Variants in PRDM16 observed in about 807,000 individuals in gnomAD.
The protein encoded by PRDM16 is histone-lysine N-methyltransferase PRDM16.
A neutral mutation model predicts 110.6 loss-of-function variants in PRDM16; 23 were observed. The ratio of observed to expected loss-of-function variants is 0.21; its 90% CI spans 0.15 to 0.29. The LOEUF (loss-of-function observed/expected upper bound fraction) is 0.29. PRDM16 is among the 10% of genes least tolerant of loss of function. The probability of loss-of-function intolerance (pLI) is 1.00; values close to 1 mark genes in which losing one functional copy is unlikely to be tolerated. For missense variants in PRDM16, 1,615 were observed against 1,794.3 expected (o/e 0.90, Z 1.81); for synonymous variants, 799 against 781.8 (o/e 1.02, Z -0.37).
At chr1:3,230,760 G>A (rs1178602302) in intron 2 of PRDM16, among the ~76,000 whole-genome samples, 1 of 152,214 alleles carries the variant, frequency 6.6e-6, no homozygotes, top group Non-Finnish European at 1.5e-5. Context: ...GCTGTGTGGT[G>A]CCTGCGCACC....
At chr1:3,271,671 G>A (rs571969756) in intron 3 of PRDM16, among the ~76,000 whole-genome samples, 1 of 152,266 alleles carries the variant, frequency 6.6e-6, no homozygotes, top group African/African-American at 2.4e-5. Flanking sequence ...TTTGGCTCGG[G>A]GCAAGCCCAG....
chr1:3,326,889 C>T (rs1419384449), intron 3 of PRDM16, among the ~76,000 whole-genome samples: 2 of 152,230 alleles, frequency 1.3e-5, no homozygotes, highest in African/African-American at 2.4e-5. Flanking sequence ...TCACTAGGCA[C>T]AATGTCTCCT....
rs909315658 is a variant in PRDM16 at position 3,358,158 on chromosome 1, G to A, written c.439-26994G>A. Among the ~76,000 whole-genome samples, 1 of 152,246 alleles carries A rather than the reference G, an allele frequency of 6.6e-6. No individual in the cohort carries two copies. The highest frequency in any genetic ancestry group is 2.1e-4 in the South Asian group (1 of 4,836). ...TGACCCCCTTGCCCAGGGCAACGTGGACCACACAGACACGGTGCAATAGGC... is the reference window on the plus strand; with the variant it reads ...TGACCCCCTTGCCCAGGGCAACGTGAACCACACAGACACGGTGCAATAGGC... On this transcript the variant is annotated intron_variant, in intron 3 of 16. Transcript: ENST00000270722. This position sits in a 1 kb window ranked among gnomAD's most constrained non-coding sequence, Gnocchi z 4.0.
At chr1:3,411,234 A>G (rs925170521) in intron 8 of PRDM16, 150 bp from the exon 9 acceptor site, 3 of 702,570 alleles carry the variant, frequency 4.3e-6, no homozygotes, top group Admixed American at 2.7e-5. Flanking sequence ...ATATACACCC[A>G]TGCCCACGCA....
chr1:3,080,175 G>T lies in PRDM16; in HGVS notation c.37+10879G>T, dbSNP rs1641990552. Among the ~76,000 whole-genome samples the T allele has an allele frequency of 6.6e-6, 1 of 152,040 alleles. No homozygotes were observed. The highest frequency in any genetic ancestry group is 1.5e-5 in the Non-Finnish European group (1 of 67,994). Reference sequence around the variant, plus strand: ...TGGTGCTTGCATTTAGAAAAATTAGGCCCTCTTGAAAAATTACAGAATTAT... The same window carrying T: ...TGGTGCTTGCATTTAGAAAAATTAGTCCCTCTTGAAAAATTACAGAATTAT... On this transcript the variant is annotated intron_variant, in intron 1 of 16. Transcript: ENST00000270722. This position sits in a 1 kb window ranked among gnomAD's most constrained non-coding sequence, Gnocchi z 5.2.
chr1:3,267,318 T>C (rs956676388), intron 3 of PRDM16, among the ~76,000 whole-genome samples: 2 of 152,226 alleles, frequency 1.3e-5, no homozygotes, highest in Non-Finnish European at 2.9e-5. Context: ...TTTCAGTGTT[T>C]ATCCATGTTG....
intron 3 of PRDM16, among the ~76,000 whole-genome samples, chr1:3,251,190 C>A (rs1356844180): frequency 6.6e-6 from 1 of 152,246 alleles, no homozygotes; most frequent in East Asian, 1.9e-4. Flanking sequence ...CACCCCTGCC[C>A]TTTGGACCTG....
intron 3 of PRDM16, among the ~76,000 whole-genome samples, chr1:3,264,793 G>A (rs1640249617): frequency 6.6e-6 from 1 of 152,134 alleles, no homozygotes; most frequent in Non-Finnish European, 1.5e-5. Context: ...GGGCAGAGGG[G>A]CTTGGACAAG....
intron 1 of PRDM16, among the ~76,000 whole-genome samples, chr1:3,146,018 C>A (rs551279263): frequency 6.6e-6 from 1 of 152,162 alleles, no homozygotes; most frequent in Non-Finnish European, 1.5e-5. Context: ...CCTCCTGGGC[C>A]CCGTTAGGGA....
In PRDM16 at chr1:3,404,570, G is replaced by A. The variant is rs3795261; in HGVS notation, c.885-169G>A. ...AGGCCGCCTCTGCCCCTCACAGCCC[G>A]GCCACGGCAGAGAGGAGGTGGGCAG... On this transcript the variant is annotated intron_variant, in intron 6 of 16. Transcript: ENST00000270722. Among the ~76,000 whole-genome samples the A allele has an allele frequency of 0.16, 25,023 of 152,186 alleles. 2,476 individuals carry two copies. Among genetic ancestry groups the A allele is most frequent in the Middle Eastern group, 0.28 (82 of 294 alleles).
chr1:3,375,574 T>G (rs546313358), intron 3 of PRDM16, among the ~76,000 whole-genome samples: 2 of 152,220 alleles, frequency 1.3e-5, no homozygotes, highest in African/African-American at 4.8e-5. Flanking sequence ...GGGGCCGAGT[T>G]TGGGGACATA....
rs182890562 is a variant in PRDM16, at chr1:3,143,708, C to A, written c.38-42417C>A. 1.1e-3 allele frequency among the ~76,000 whole-genome samples: 166 copies of A among 152,294 alleles called. No individual in the cohort carries two copies. Among genetic ancestry groups the A allele is most frequent in the African/African-American group, 3.2e-3 (131 of 41,564 alleles). On this transcript the variant is annotated intron_variant, in intron 1 of 16. Transcript: ENST00000270722. This position sits in a 1 kb window ranked among gnomAD's most constrained non-coding sequence, Gnocchi z 4.5. ...GTCAGGCCAGTCTTGAACTCCTGAC[C>A]TCAGGTGATCCTCCCGCCTCGGCCT...
intron 3 of PRDM16, among the ~76,000 whole-genome samples, chr1:3,276,123 G>C (rs564214911): frequency 2.6e-4 from 39 of 152,350 alleles, no homozygotes; most frequent in African/African-American, 7.7e-4. Flanking sequence ...GGGCTTCAAG[G>C]GGGGAGAAAC....
chr1:3,279,266 G>T (rs928206021), intron 3 of PRDM16, among the ~76,000 whole-genome samples: 2 of 152,230 alleles, frequency 1.3e-5, no homozygotes, highest in African/African-American at 4.8e-5. Flanking sequence ...GGAGCAGGAG[G>T]CATCCCTGGG....
intron 1 of PRDM16, among the ~76,000 whole-genome samples, chr1:3,166,112 G>A (rs185971268): frequency 6.6e-6 from 1 of 152,372 alleles, no homozygotes; most frequent in African/African-American, 2.4e-5. Context: ...TGGCGCATGG[G>A]AACCTCACCT....
At chr1:3,089,975 C>T (rs1408610122) in intron 1 of PRDM16, among the ~76,000 whole-genome samples, 2 of 152,208 alleles carry the variant, frequency 1.3e-5, no homozygotes, top group African/African-American at 4.8e-5. Flanking sequence ...ACGGGTGGTC[C>T]CTACTCTGTA....
chr1:3,421,978 GGACA>G (rs1280337821), intron 12 of PRDM16, among the ~76,000 whole-genome samples: 2 of 135,454 alleles, frequency 1.5e-5, no homozygotes, highest in African/African-American at 5.7e-5. Flanking sequence ...ACAGGCAGGC[GGACA>G]GACAGGCAGA....
chr1:3,283,238 G>A (rs963768924), intron 3 of PRDM16, among the ~76,000 whole-genome samples: 3 of 152,272 alleles, frequency 2.0e-5, no homozygotes, highest in South Asian at 2.1e-4. Context: ...CATTAGAGGC[G>A]GGGCTGTCCC....
chr1:3,406,712 C>T (rs1643568489), intron 8 of PRDM16, among the ~76,000 whole-genome samples: 1 of 152,120 alleles, frequency 6.6e-6, no homozygotes, highest in Non-Finnish European at 1.5e-5. Flanking sequence ...CACTGCACTC[C>T]AGCCTGGGCA....
Sources: allele counts gnomAD v4.1 joint callset (sites outside exome capture counted in the v4.1 genomes callset), GRCh38; gene constraint gnomAD v4.1.1; non-coding constraint Gnocchi (gnomAD v3.1); transcripts MANE v1.5; gene names NCBI Gene and HGNC (gene_info 2026-07-23, HGNC 2026-07-21).